Variants in TVP23A observed in about 807,000 individuals in gnomAD.
The protein encoded by TVP23A is Golgi apparatus membrane protein TVP23 homolog A.
TVP23A carries 21 observed loss-of-function variants against 31.7 expected under a neutral mutation model. The ratio of observed to expected loss-of-function variants is 0.66; its 90% confidence interval spans 0.47 to 0.95. The LOEUF (loss-of-function observed/expected upper bound fraction) is 0.95. Ranked by LOEUF, TVP23A falls within the 40% of genes least tolerant of loss-of-function variation. TVP23A has a pLI of 0.00. For missense variants in TVP23A, 279 were observed against 255.6 expected (o/e 1.09, Z -0.62); for synonymous variants, 104 against 96.0 (o/e 1.08, Z -0.49).
downstream of TVP23A, among the ~76,000 whole-genome samples, chr16:10,765,327 T>TA (rs533208449): frequency 0.28 from 30,733 of 110,968 alleles, 4,403 homozygotes; most frequent in East Asian, 0.44. This position sits in a 1 kb window ranked among gnomAD's most constrained non-coding sequence, Gnocchi z 4.0. Context: ...CCTCATCTCT[T>TA]AAAAAAAAAA....
chr16:10,803,245 C>CTGTGTGTGTGTGTGTGTGTGTGTGTG (rs3040297), intron 2 of TVP23A, among the ~76,000 whole-genome samples: 62 of 135,472 alleles, frequency 4.6e-4, no homozygotes, highest in African/African-American at 1.0e-3. Flanking sequence ...GATCGCGCCA[C>CTGTGTGTGTGTGTGTGTGTGTGTGTG]TGTGTGTGTG....
At position 10,778,153 on chromosome 16, in the gene TVP23A, G is replaced by A. The variant is rs569141820; in HGVS notation, c.90-3057C>T. Among the ~76,000 whole-genome samples the A allele has an allele frequency of 1.5e-4, 23 of 152,240 alleles. No individual in the cohort carries two copies. The East Asian group carries it at 3.1e-3, about 20-fold the overall frequency. On this transcript the variant is annotated intron_variant, in intron 2 of 7. Transcript: ENST00000299866. ...ATTCAAGACCAGCGTGGCCAACATG[G>A]TAAAACTCCGTCTCTACTAAAAATA...
intron 2 of TVP23A, among the ~76,000 whole-genome samples, chr16:10,796,482 G>A (rs1182641028): frequency 6.6e-6 from 1 of 152,152 alleles, no homozygotes; most frequent in East Asian, 1.9e-4. Flanking sequence ...GCCCAGGCTG[G>A]AGTGCAGTGG....
intron 2 of TVP23A, among the ~76,000 whole-genome samples, chr16:10,799,196 C>A (rs1596551777): frequency 6.6e-6 from 1 of 152,246 alleles, no homozygotes; most frequent in African/African-American, 2.4e-5. Context: ...TGAGCCAGAA[C>A]CACCCAGCCG....
chr16:10,771,709 C>A lies in TVP23A; in HGVS notation c.543G>T (p.Lys181Asn). 1 of 1,613,566 alleles carries A rather than the reference C, an allele frequency of 6.2e-7. No individual in the cohort carries two copies. The stretch of plus-strand genomic sequence containing the variant: ...TCTGGGACAGGAAACTGGCTGTGAC[C>A]TTGCCAATGTCACTGTTGCCTCCCA... The part of the protein sequence containing the change: ...CKMGGNSDIG[K>N]VTASFLSQTV... The change falls in exon 6 of 8, where the codon AAG becomes AAT. Residue 181 changes from lysine to asparagine, a missense_variant. Lys to Asn is a moderately conservative substitution (Grantham distance 94). Transcript: ENST00000299866.
intron 2 of TVP23A, among the ~76,000 whole-genome samples, chr16:10,785,816 T>C (rs2032720419): frequency 6.6e-6 from 1 of 152,190 alleles, no homozygotes; most frequent in African/African-American, 2.4e-5. Flanking sequence ...CTGAGCCCTT[T>C]GCAGCCTCTG....
downstream of TVP23A, chr16:10,758,084 C>G (rs1900688401): frequency 6.3e-7 from 1 of 1,578,880 alleles, no homozygotes; most frequent in South Asian, 1.1e-5. Context: ...TGTGAGATTT[C>G]TTTCCTACCT....
At chr16:10,809,970 C>G (rs770828896) in intron 2 of TVP23A, among the ~76,000 whole-genome samples, 4 of 152,150 alleles carry the variant, frequency 2.6e-5, no homozygotes, top group Non-Finnish European at 4.4e-5. Flanking sequence ...AACACAAAAG[C>G]AGAAACAACT....
At chr16:10,808,719 G>A in intron 2 of TVP23A, 1 of 350,460 alleles carries the variant, frequency 2.9e-6, no homozygotes. Flanking sequence ...TGAGGCTGCA[G>A]TGAGCCATGA....
chr16:10,816,271 G>A, intron 2 of TVP23A, among the ~76,000 whole-genome samples: 1 of 145,592 alleles, frequency 6.9e-6, no homozygotes, highest in Admixed American at 6.8e-5. Context: ...CTAATCCCCA[G>A]AAATTGTGAC....
intron 2 of TVP23A, among the ~76,000 whole-genome samples, chr16:10,804,225 AGGGAGGAATTCCAACTCAAGGCCTCTT>A (rs1170971645): frequency 6.6e-6 from 1 of 152,190 alleles, no homozygotes; most frequent in Non-Finnish European, 1.5e-5. Context: ...CCACGGCATC[AGGGAGGAATTCCAACTCAAGGCCTCTT>A]GGGCCCCTGG....
intron 4 of TVP23A, among the ~76,000 whole-genome samples, chr16:10,773,779 C>T (rs1310775427): frequency 6.6e-6 from 1 of 152,154 alleles, no homozygotes. Flanking sequence ...CCATGTTGCC[C>T]AGGCTAGTCT....
chr16:10,812,410 T>C (rs563121003), intron 2 of TVP23A, among the ~76,000 whole-genome samples: 1 of 152,350 alleles, frequency 6.6e-6, no homozygotes, highest in East Asian at 1.9e-4. Context: ...CTTGTGGGTA[T>C]ATGGCCAAAA....
intron 2 of TVP23A, among the ~76,000 whole-genome samples, chr16:10,798,555 T>A (rs2033529200): frequency 6.6e-6 from 1 of 152,222 alleles, no homozygotes; most frequent in Non-Finnish European, 1.5e-5. Context: ...CGTCTCACAA[T>A]GAAGCAGGGG....
chr16:10,761,127 C>T (rs951047454), downstream of TVP23A: 1 of 411,484 alleles, frequency 2.4e-6, no homozygotes, highest in Non-Finnish European at 4.5e-6. Context: ...GAAACTGCCC[C>T]CATGATCCAA....
Position 10,783,128 on chromosome 16 carries a change from G to C in TVP23A, c.90-8032C>G, listed in dbSNP as rs567583678. On this transcript the variant is annotated intron_variant, in intron 2 of 7. Transcript: ENST00000299866. Reference sequence around the variant, plus strand: ...TATGAGGGAGACTTCTGGATGCTGGGATGTTCTGTATCTTTATCTAATGAC... The same window carrying C: ...TATGAGGGAGACTTCTGGATGCTGGCATGTTCTGTATCTTTATCTAATGAC... Among the ~76,000 whole-genome samples, 33 of 152,228 alleles carry C rather than the reference G, an allele frequency of 2.2e-4. 1 individual carries two copies. In the South Asian group the frequency reaches 6.4e-3, roughly 30 times the overall value.
chr16:10,793,880 C>CA lies in TVP23A; in HGVS notation c.90-18785dup, dbSNP rs373448593. ...CACCACTGCATTCCAGCCTGGGTGA[C>CA]AGAGTGAGACCCTGTCTCACCAAAA... On this transcript the variant is annotated intron_variant, in intron 2 of 7. Coordinates refer to ENST00000299866, the MANE Select transcript of TVP23A (RefSeq NM_001079512.4). 4.2e-3 allele frequency among the ~76,000 whole-genome samples: 454 copies of CA among 108,160 alleles called. 2 individuals are homozygous for CA. Among genetic ancestry groups the CA allele is most frequent in the African/African-American group, 0.016 (441 of 27,254 alleles). The allele number at this position is 108,160 out of a possible 152,430, so 71.0% of individuals were successfully genotyped here.
At chr16:10,807,952 A>G (rs1475477547) in intron 2 of TVP23A, among the ~76,000 whole-genome samples, 1 of 152,166 alleles carries the variant, frequency 6.6e-6, no homozygotes, top group Non-Finnish European at 1.5e-5. Context: ...GACTGAAGCC[A>G]TCCTCTCACC....
chr16:10,775,744 CTTTTT>C (rs1004091841), intron 2 of TVP23A, among the ~76,000 whole-genome samples: 5 of 94,516 alleles, frequency 5.3e-5, no homozygotes, highest in African/African-American at 1.3e-4. Context: ...AATTGCTTTT[CTTTTT>C]TTTTTTTTTT....
Sources: gnomAD v4.1 joint callset for allele counts (sites outside exome capture counted in the v4.1 genomes callset) on GRCh38, gnomAD v4.1.1 for gene constraint, Gnocchi (gnomAD v3.1) non-coding constraint, MANE v1.5 for transcripts, NCBI Gene and HGNC (gene_info 2026-07-23, HGNC 2026-07-21) for gene names.